Variants in PPFIBP1 observed in about 807,000 individuals in gnomAD.
PPFIBP1 encodes the protein liprin-beta-1.
A neutral mutation model predicts 137.8 loss-of-function variants in PPFIBP1; 112 were observed. The observed-to-expected ratio is 0.81, with a 90% confidence interval of 0.70 to 0.95. The LOEUF (loss-of-function observed/expected upper bound fraction) is 0.95, where lower values mean the gene tolerates loss of function less well. Among genes scored for constraint, PPFIBP1 ranks in the 40% least tolerant of loss-of-function variants. PPFIBP1 has a pLI of 0.00. For synonymous variants in PPFIBP1, 378 were observed against 417.3 expected, an observed-to-expected ratio of 0.91 and a Z score of 1.15; for missense variants, 1,083 against 1,196.6, an observed-to-expected ratio of 0.91 and a Z score of 1.40.
intron 6 of PPFIBP1, 108 bp from the exon 7 acceptor site, chr12:27,649,902 T>G (rs2058771459): frequency 9.8e-7 from 1 of 1,019,026 alleles, no homozygotes; most frequent in Non-Finnish European, 1.4e-6. Flanking sequence ...TATACTTCAC[T>G]ATATCCTCTA....
At chr12:27,648,613 A>G (rs2058688639) in intron 6 of PPFIBP1, among the ~76,000 whole-genome samples, 1 of 152,254 alleles carries the variant, frequency 6.6e-6, no homozygotes, top group Non-Finnish European at 1.5e-5. Flanking sequence ...GTCCATCAAC[A>G]AATGACTGGA....
chr12:27,540,764 T>C (rs67813594), intron 1 of PPFIBP1, among the ~76,000 whole-genome samples: 25,296 of 152,222 alleles, frequency 0.17, 2,365 homozygotes, highest in Middle Eastern at 0.26. Flanking sequence ...TAAATTTTGT[T>C]TTTCTTTTTA....
chr12:27,634,825 G>C, intron 3 of PPFIBP1, 85 bp from the exon 4 acceptor site: 2 of 1,063,004 alleles, frequency 1.9e-6, no homozygotes, highest in Non-Finnish European at 2.8e-6. Context: ...TCCTTACTGT[G>C]ACTAGACTGG....
chr12:27,678,791 AG>A (rs1399452792), intron 19 of PPFIBP1, among the ~76,000 whole-genome samples: 1 of 141,960 alleles, frequency 7.0e-6, no homozygotes, highest in East Asian at 2.2e-4. Flanking sequence ...CAGTAGGCGG[AG>A]GTTGCAGTAA....
intron 2 of PPFIBP1, among the ~76,000 whole-genome samples, chr12:27,617,412 C>T (rs1348277121): frequency 6.6e-6 from 1 of 152,152 alleles, no homozygotes; most frequent in Non-Finnish European, 1.5e-5. Flanking sequence ...GACGGTCAAT[C>T]AAATGGAAGC....
At chr12:27,547,513 T>C (rs1470072477) in intron 1 of PPFIBP1, 2 of 152,254 alleles carry the variant, frequency 1.3e-5, no homozygotes, top group African/African-American at 4.8e-5. Flanking sequence ...AGAAAACTGC[T>C]GCTGGTCTTA....
In PPFIBP1 at chr12:27,682,638, C is replaced by T. The variant is rs2060943262; in HGVS notation, c.2182C>T (p.Pro728Ser). The T allele has an allele frequency of 1.2e-6, 2 of 1,613,990 alleles. No homozygotes were observed. The highest frequency in any genetic ancestry group is 1.7e-6 in the Non-Finnish European group (2 of 1,180,032). The stretch of plus-strand genomic sequence containing the variant: ...AGGATGGTTGGATGACATTGGCCTC[C>T]CTCAATATAAGACCCAGTTTGATGA... ...VTRWLDDIGL[P>S]QYKTQFDEGR... is the part of the protein sequence containing the mutation. The change falls in exon 24 of 30, where the codon CCT (proline) becomes TCT (serine). Residue 728 changes from proline to serine, a missense_variant. Pro to Ser is a moderately conservative substitution (Grantham distance 74). Transcript: ENST00000228425.
chr12:27,572,023 T>C (rs2050193356), intron 1 of PPFIBP1, among the ~76,000 whole-genome samples: 1 of 152,224 alleles, frequency 6.6e-6, no homozygotes, highest in Non-Finnish European at 1.5e-5. Context: ...CTCTGATTTC[T>C]ACCCTGATGC....
intron 4 of PPFIBP1, among the ~76,000 whole-genome samples, chr12:27,639,099 C>A (rs1207922710): frequency 6.6e-6 from 1 of 152,174 alleles, no homozygotes; most frequent in Non-Finnish European, 1.5e-5. Context: ...AATACCAACA[C>A]TAGTAGCCTG....
At chr12:27,625,173 C>T (rs1329619366) in intron 2 of PPFIBP1, among the ~76,000 whole-genome samples, 3 of 152,030 alleles carry the variant, frequency 2.0e-5, no homozygotes, top group African/African-American at 2.4e-5. Flanking sequence ...TGCTTGAGCC[C>T]AGAGAGGTTG....
chr12:27,583,410 C>T (rs974792656), intron 2 of PPFIBP1, among the ~76,000 whole-genome samples: 18 of 152,116 alleles, frequency 1.2e-4, no homozygotes, highest in African/African-American at 4.3e-4. Context: ...AATGTGAATT[C>T]TAAGGCATTT....
chr12:27,596,020 G>T (rs1406355727), intron 2 of PPFIBP1, among the ~76,000 whole-genome samples: 1 of 150,186 alleles, frequency 6.7e-6, no homozygotes, highest in African/African-American at 2.5e-5. Flanking sequence ...GGCTAAGATG[G>T]TTCCCGTCCT....
At chr12:27,621,237 G>A (rs1454686573) in intron 2 of PPFIBP1, among the ~76,000 whole-genome samples, 3 of 152,242 alleles carry the variant, frequency 2.0e-5, no homozygotes, top group Non-Finnish European at 2.9e-5. Context: ...ATACGTAAAC[G>A]AATGAATGTG....
intron 2 of PPFIBP1, among the ~76,000 whole-genome samples, chr12:27,578,653 G>T (rs1349319376): frequency 6.6e-6 from 1 of 152,108 alleles, no homozygotes; most frequent in East Asian, 1.9e-4. Context: ...AGAATATGAG[G>T]TATTGGTTTC....
intron 2 of PPFIBP1, among the ~76,000 whole-genome samples, chr12:27,628,213 C>T (rs773998032): frequency 6.6e-6 from 1 of 151,932 alleles, no homozygotes. Flanking sequence ...GAGACAGGTT[C>T]TTTATCACCC....
chr12:27,535,438 G>A (rs1944886101), intron 1 of PPFIBP1, among the ~76,000 whole-genome samples: 1 of 152,028 alleles, frequency 6.6e-6, no homozygotes, highest in African/African-American at 2.4e-5. Flanking sequence ...TTTTGAGACA[G>A]GATCTCACTC....
chr12:27,587,487 G>A (rs1366802177), intron 2 of PPFIBP1, among the ~76,000 whole-genome samples: 2 of 151,738 alleles, frequency 1.3e-5, no homozygotes, highest in Admixed American at 6.6e-5. Flanking sequence ...GCTGGGCGTG[G>A]TGGCGGGCGC....
intron 2 of PPFIBP1, among the ~76,000 whole-genome samples, chr12:27,598,992 C>T (rs573496441): frequency 6.6e-6 from 1 of 152,230 alleles, no homozygotes; most frequent in South Asian, 2.1e-4. Context: ...ATGTTTTAGG[C>T]CTGAAGCCAA....
At position 27,597,497 on chromosome 12, in the gene PPFIBP1, A is replaced by G. The variant is rs546050625; in HGVS notation, c.-36+19258A>G. 1.4e-3 allele frequency among the ~76,000 whole-genome samples: 206 copies of G among 152,244 alleles called. 1 individual carries two copies. Among genetic ancestry groups the G allele is most frequent in the African/African-American group, 4.8e-3 (198 of 41,536 alleles). ...ATAAGCATTCAGCTTTCTCTTTGGC[A>G]TAATGGGATCTGGAGTCGTCTCTCT... On this transcript the variant is annotated intron_variant, in intron 2 of 29. Coordinates refer to ENST00000228425, the MANE Select transcript of PPFIBP1 (RefSeq NM_003622.4).
Sources: gnomAD v4.1 joint callset for allele counts (sites outside exome capture counted in the v4.1 genomes callset) on GRCh38, gnomAD v4.1.1 for gene constraint, MANE v1.5 for transcripts, NCBI Gene and HGNC (gene_info 2026-07-23, HGNC 2026-07-21) for gene names.